RAB12: variants seen among roughly 807,000 people sequenced by gnomAD.
RAB12 encodes the protein RAB12, member RAS oncogene family, also known as ras-related protein Rab-12.
A neutral mutation model predicts 28.4 loss-of-function variants in RAB12; 11 were observed. The observed-to-expected ratio is 0.39, with a 90% CI of 0.24 to 0.64. The LOEUF (loss-of-function observed/expected upper bound fraction) is 0.64, where lower values mean the gene tolerates loss of function less well. RAB12 is among the 30% of genes least tolerant of loss of function. RAB12 has a pLI of 0.50. For missense variants in RAB12, 276 were observed against 351.1 expected, an observed-to-expected ratio of 0.79 and a Z score of 1.71; for synonymous variants, 138 against 145.3, an observed-to-expected ratio of 0.95 and a Z score of 0.36.
chr18:8,610,766 G>A (rs2096003339), intron 1 of RAB12, among the ~76,000 whole-genome samples: 1 of 152,200 alleles, frequency 6.6e-6, no homozygotes, highest in African/African-American at 2.4e-5. Flanking sequence ...CTTAAAAGAT[G>A]TCCAAACTAG....
At chr18:8,631,053 T>G (rs2096015690) in intron 2 of RAB12, among the ~76,000 whole-genome samples, 1 of 152,212 alleles carries the variant, frequency 6.6e-6, no homozygotes, top group Admixed American at 6.5e-5. Context: ...CATGCCTAGC[T>G]AAGTTTTATA....
Position 8,609,898 on chromosome 18 carries a change from C to G in RAB12, c.459C>G (p.Ser153Arg). 1 of 1,608,946 alleles carries G rather than the reference C, an allele frequency of 6.2e-7. No individual in the cohort carries two copies. Among genetic ancestry groups the G allele is most frequent in the Non-Finnish European group, 8.5e-7 (1 of 1,178,150 alleles). The change falls in exon 1 of 6, where the codon AGC becomes AGG. Residue 153 changes from serine to arginine, a missense_variant. Transcript: ENST00000649141. ...GCTCCCGCGGCGTGGGCAAGACCAG[C>G]CTGATGGAGCGCTTCACCGACGACA... Reference protein sequence around the residue: ...IIGSRGVGKTSLMERFTDDTF... With the variant: ...IIGSRGVGKTRLMERFTDDTF...
rs2096002769 is a variant in RAB12 at position 8,609,959 on chromosome 18, G to A, written c.514+6G>A. ...GGCCTGCAAGTCCACCGTGGGTAAG[G>A]GCGCCACGGCGACCCTGGGCCGGGC... On this transcript the variant is annotated splice_donor_region_variant and intron_variant, in intron 1 of 5. Transcript: ENST00000649141. 6.2e-7 allele frequency: 1 copy of A among 1,604,050 alleles called. No individual in the cohort carries two copies. The highest frequency in any genetic ancestry group is 1.1e-5 in the South Asian group (1 of 90,092).
chr18:8,632,260 T>TG, intron 2 of RAB12, among the ~76,000 whole-genome samples: 1 of 140,326 alleles, frequency 7.1e-6, no homozygotes, highest in South Asian at 2.2e-4. Context: ...CCAGCCTGGG[T>TG]GACAGAGCTA....
chr18:8,610,746 T>C (rs367864062), intron 1 of RAB12, among the ~76,000 whole-genome samples: 1 of 152,356 alleles, frequency 6.6e-6, no homozygotes, highest in South Asian at 2.1e-4. Context: ...GTTGTTTCTA[T>C]GGAAAACCCC....
At position 8,638,430 on chromosome 18, in the gene RAB12, A is replaced by G. The variant is rs775541319; in HGVS notation, c.*168A>G. On this transcript the variant is annotated 3_prime_UTR_variant, in exon 6 of 6. Transcript: ENST00000649141. ...ATGCAATCCTGGGTAAGTTTTGGTT[A>G]TAAGTTACCTATTTCCCTCCAAATT... The G allele has an allele frequency of 5.6e-5, 33 of 585,636 alleles. No individual in the cohort carries two copies. Among genetic ancestry groups the G allele is most frequent in the Admixed American group, 9.2e-5 (3 of 32,554 alleles). 36.3% of individuals were successfully genotyped at this position (585,636 alleles called of 1,614,324 possible).
intron 4 of RAB12, 22 bp from the exon 5 acceptor site, chr18:8,636,231 A>G (rs1013502372): frequency 4.5e-6 from 7 of 1,541,062 alleles, no homozygotes; most frequent in East Asian, 2.2e-5. Flanking sequence ...CACAGAGGAA[A>G]TAGGTGTGTG....
intron 1 of RAB12, among the ~76,000 whole-genome samples, chr18:8,615,358 C>T (rs1041014876): frequency 2.6e-5 from 4 of 152,192 alleles, no homozygotes; most frequent in South Asian, 2.1e-4. Flanking sequence ...CCAGAATGAG[C>T]ATCTCATACT....
rs747821699 is a variant in RAB12 at position 8,609,920 on chromosome 18, G to C, written c.481G>C (p.Asp161His). 6.2e-7 allele frequency: 1 copy of C among 1,609,402 alleles called. No homozygotes were observed. The highest frequency in any genetic ancestry group is 1.1e-5 in the South Asian group (1 of 90,500). The part of the protein sequence containing the change: ...KTSLMERFTD[D>H]TFCEACKSTV... ...CAGCCTGATGGAGCGCTTCACCGACGACACCTTCTGCGAGGCCTGCAAGTC... is the reference window on the plus strand; with the variant it reads ...CAGCCTGATGGAGCGCTTCACCGACCACACCTTCTGCGAGGCCTGCAAGTC... The change falls in exon 1 of 6, where the codon GAC becomes CAC. Residue 161 changes from aspartate (D) to histidine (H), a missense_variant. Asp to His is a moderately conservative substitution (Grantham distance 81). Transcript: ENST00000649141.
At chr18:8,620,027 G>A (rs968042417) in intron 1 of RAB12, among the ~76,000 whole-genome samples, 12 of 151,838 alleles carry the variant, frequency 7.9e-5, no homozygotes, top group Non-Finnish European at 1.3e-4. Flanking sequence ...TCAGGTACTC[G>A]GGAGGCTGAG....
chr18:8,623,940 GT>G (rs2096011278), intron 1 of RAB12, among the ~76,000 whole-genome samples: 1 of 152,260 alleles, frequency 6.6e-6, no homozygotes, highest in Admixed American at 6.5e-5. Flanking sequence ...TCGGTCACAT[GT>G]CTTCCACTTC....
At position 8,638,459 on chromosome 18, in the gene RAB12, A is replaced by G. The variant is rs2096020242; in HGVS notation, c.*197A>G. ...GTTACCTATTTCCCTCCAAATTATT[A>G]TATTTCATTCATTACCCCAGTGTCT... On this transcript the variant is annotated 3_prime_UTR_variant, in exon 6 of 6. Transcript: ENST00000649141. 7.3e-6 allele frequency: 4 copies of G among 549,050 alleles called. No homozygotes were observed. The Admixed American group carries it at 1.3e-4, about 18-fold the overall frequency. 34.0% of individuals were successfully genotyped at this position (549,050 alleles called of 1,614,324 possible). A position where few individuals can be genotyped will look rare whatever the true frequency, so the allele number is the denominator to read the frequency against.
At chr18:8,610,717 CAGTT>C (rs1425407809) in intron 1 of RAB12, among the ~76,000 whole-genome samples, 1 of 152,116 alleles carries the variant, frequency 6.6e-6, no homozygotes, top group Non-Finnish European at 1.5e-5. Flanking sequence ...TGAGATTTCT[CAGTT>C]GGATGTGGGT....
At chr18:8,631,910 A>G (rs530454819) in intron 2 of RAB12, among the ~76,000 whole-genome samples, 1 of 152,262 alleles carries the variant, frequency 6.6e-6, no homozygotes, top group African/African-American at 2.4e-5. Context: ...AAAAAATTAA[A>G]AGTTTTACTC....
chr18:8,635,514 T>G lies in RAB12; in HGVS notation c.715-19T>G, dbSNP rs375477837. 6 of 1,583,650 alleles carry G rather than the reference T, an allele frequency of 3.8e-6. No homozygotes were observed. In the African/African-American group the frequency reaches 8.1e-5, roughly 21 times the overall value. On this transcript the variant is annotated intron_variant, in intron 3 of 5. Coordinates refer to ENST00000649141, the MANE Select transcript of RAB12 (RefSeq NM_001025300.3). ...GCGATGCCCATCTTTGAAATGTGGC[T>G]TCTTTTAAAATTCCACAGTATGCTT...
chr18:8,609,998 G>A (rs763213141), intron 1 of RAB12, 45 bp downstream of exon 1: 1 of 1,491,138 alleles, frequency 6.7e-7, no homozygotes, highest in Admixed American at 1.7e-5. Context: ...CTGGCGCCCG[G>A]GCAGGTGCCC....
chr18:8,624,881 G>A, intron 1 of RAB12, 57 bp from the exon 2 acceptor site: 2 of 1,089,918 alleles, frequency 1.8e-6, no homozygotes, highest in Admixed American at 1.9e-5. Flanking sequence ...GGATTATTTT[G>A]TATGACAAAT....
In RAB12 at chr18:8,638,782, C is replaced by T. The variant is rs902776312; in HGVS notation, c.*520C>T. The T allele has an allele frequency of 6.5e-6, 1 of 153,254 alleles. No individual in the cohort carries two copies. 9.5% of individuals were successfully genotyped at this position (153,254 alleles called of 1,614,324 possible). On this transcript the variant is annotated 3_prime_UTR_variant, in exon 6 of 6. Transcript: ENST00000649141. ...TTCTGCCACGAAGCAAAGCTCCATT[C>T]ATGGCCGTCATGGAAGGTTATTTAT...
chr18:8,618,655 A>G (rs147172784), intron 1 of RAB12, among the ~76,000 whole-genome samples: 3,597 of 152,102 alleles, frequency 0.024, 71 homozygotes, highest in Non-Finnish European at 0.038. Flanking sequence ...GACCACAGGC[A>G]CCCACCACCA....
Sources: gnomAD v4.1 joint callset for allele counts (sites outside exome capture counted in the v4.1 genomes callset) on GRCh38, gnomAD v4.1.1 for gene constraint, MANE v1.5 for transcripts, NCBI Gene and HGNC (gene_info 2026-07-23, HGNC 2026-07-21) for gene names.